Variants in HMCN1 observed in about 807,000 individuals in gnomAD.
The protein encoded by HMCN1 is hemicentin-1.
Under a neutral mutation model 625.9 loss-of-function variants are expected in HMCN1, and 321 were observed. The ratio of observed to expected loss-of-function variants is 0.51; its 90% CI spans 0.47 to 0.56. HMCN1 has a LOEUF of 0.56. Among genes scored for constraint, HMCN1 ranks in the 20% least tolerant of loss-of-function variants. The probability of loss-of-function intolerance (pLI) is 0.00; values close to 1 mark genes in which losing one functional copy is unlikely to be tolerated. For synonymous variants in HMCN1, 2,425 were observed against 2,417.6 expected, an observed-to-expected ratio of 1.00 and a Z score of -0.09; for missense variants, 6,588 against 6,887.3, an observed-to-expected ratio of 0.96 and a Z score of 1.54.
rs145652923 is a variant in HMCN1, at chr1:186,115,975, T to G, written c.11561+561T>G. ...TTCTGATGTTATAGGTGAGCATCATTTTTTGTATCTCACCTGAGCTATCAG... is the reference window on the plus strand; with the variant it reads ...TTCTGATGTTATAGGTGAGCATCATGTTTTGTATCTCACCTGAGCTATCAG... On this transcript the variant is annotated intron_variant, in intron 75 of 106. Transcript: ENST00000271588. 9.2e-5 allele frequency among the ~76,000 whole-genome samples: 14 copies of G among 152,254 alleles called. No homozygotes were observed. The East Asian group carries it at 2.7e-3, about 29-fold the overall frequency.
chr1:185,972,008 C>G lies in HMCN1; in HGVS notation c.2371+1515C>G, dbSNP rs184524591. On this transcript the variant is annotated intron_variant, in intron 15 of 106. Coordinates refer to ENST00000271588, the MANE Select transcript of HMCN1 (RefSeq NM_031935.3). ...AAGCAAGATGTAAAACACAGTAATG[C>G]TTTTAGACATGTAAGGCCCAAATAA... Among the ~76,000 whole-genome samples the G allele has an allele frequency of 1.2e-3, 180 of 152,202 alleles. 2 individuals are homozygous for G. The highest frequency in any genetic ancestry group is 4.2e-3 in the African/African-American group (174 of 41,540).
intron 63 of HMCN1, among the ~76,000 whole-genome samples, chr1:186,089,095 T>A (rs1258324257): frequency 6.6e-6 from 1 of 152,062 alleles, no homozygotes; most frequent in Non-Finnish European, 1.5e-5. Context: ...AGATCTGTTC[T>A]TACTTGTATA....
chr1:185,941,363 G>A (rs1026927496), intron 11 of HMCN1, among the ~76,000 whole-genome samples: 8 of 152,074 alleles, frequency 5.3e-5, no homozygotes, highest in Non-Finnish European at 1.0e-4. Context: ...TACTTAACAA[G>A]CATCTACCAC....
Position 186,165,019 on chromosome 1 carries a change from T to C in HMCN1, c.15257-92T>C, listed in dbSNP as rs1207310714. 3.7e-6 allele frequency: 4 copies of C among 1,089,392 alleles called. No homozygotes were observed. The Admixed American group carries it at 7.1e-5, about 19-fold the overall frequency. The allele number at this position is 1,089,392 out of a possible 1,614,324, so 67.5% of individuals were successfully genotyped here. ...ATTTTTGCATCATGTGTTTCATCTT[T>C]GGCATATCTTCCCAGGGAAGATGGT... On this transcript the variant is annotated intron_variant, in intron 97 of 106. Transcript: ENST00000271588.
chr1:186,160,173 A>C (rs1435717483), intron 97 of HMCN1, among the ~76,000 whole-genome samples: 1 of 150,086 alleles, frequency 6.7e-6, no homozygotes, highest in Non-Finnish European at 1.5e-5. Context: ...CCAGGAATTT[A>C]TCCATTTCTT....
chr1:185,831,742 A>T (rs951602637), intron 1 of HMCN1, among the ~76,000 whole-genome samples: 1 of 152,198 alleles, frequency 6.6e-6, no homozygotes, highest in African/African-American at 2.4e-5. Context: ...GAAATACCCC[A>T]ATTCAAAACA....
intron 22 of HMCN1, 76 bp from the exon 23 acceptor site, chr1:185,993,106 A>G (rs2102036276): frequency 1.4e-6 from 2 of 1,417,230 alleles, no homozygotes; most frequent in East Asian, 4.6e-5. Context: ...TAGTAATTTC[A>G]TACTGAAGTG....
intron 4 of HMCN1, among the ~76,000 whole-genome samples, chr1:185,887,457 C>G (rs146842188): frequency 4.0e-5 from 6 of 148,832 alleles, no homozygotes; most frequent in Non-Finnish European, 5.9e-5. Context: ...TCCCTCCCCC[C>G]TCCCCGCACC....
At position 186,019,554 on chromosome 1, in the gene HMCN1, C is replaced by G. The variant is rs371580183; in HGVS notation, c.5484C>G (p.Ile1828Met). The G allele has an allele frequency of 8.7e-6, 14 of 1,609,562 alleles. No individual in the cohort carries two copies. Among genetic ancestry groups the G allele is most frequent in the Admixed American group, 1.7e-5 (1 of 59,880 alleles). ...CCTTAAATATAGTTCCTCCAACAAT[C>G]AAGTCCTCAGGCCTTTCTGAGAGAG... ...FEVTVHVPPT[I>M]KSSGLSERVV... Residue 1828 changes from isoleucine to methionine, a missense_variant, in exon 35 of 107, where the codon ATC (isoleucine) becomes ATG (methionine). Physicochemically the swap from Ile to Met is conservative, Grantham distance 10. This residue lies in a region of HMCN1 where 4,628 missense variants were observed against 4,853.1 expected (regional missense o/e 0.95). Coordinates refer to ENST00000271588, the MANE Select transcript of HMCN1 (RefSeq NM_031935.3).
Position 185,923,412 on chromosome 1 carries a change from C to G in HMCN1, c.1044C>G (p.Leu348=), listed in dbSNP as rs1667096884. Reference sequence around the variant, plus strand: ...TAGGAATACCTACCTATGTACTGCTCAATACTTCTGGAATTTCCACTCCAG... The same window carrying G: ...TAGGAATACCTACCTATGTACTGCTGAATACTTCTGGAATTTCCACTCCAG... ...PVQGIPTYVL[L]NTSGISTPAR... Residue 348 remains leucine (L), a synonymous_variant, in exon 8 of 107, where the codon CTC becomes CTG. Coordinates refer to ENST00000271588, the MANE Select transcript of HMCN1 (RefSeq NM_031935.3). The G allele has an allele frequency of 9.3e-6, 15 of 1,610,622 alleles. No individual in the cohort carries two copies. The highest frequency in any genetic ancestry group is 1.1e-5 in the Non-Finnish European group (13 of 1,177,558).
Position 186,178,538 on chromosome 1 carries a change from G to A in HMCN1, c.16066G>A (p.Gly5356Arg). ...HLLGDGKSCA[G>R]LERLPNYGTQ... ...ATTAGGGGACGGGAAATCTTGCGCT[G>A]GATTGGAGAGGCTGCCAAATTATGG... The change falls in exon 104 of 107, where the codon GGA (glycine) becomes AGA (arginine). Residue 5356 changes from glycine (G) to arginine (R), a missense_variant. By Grantham distance (125) the Gly-to-Arg change is moderately radical (BLOSUM62 -2). Coordinates refer to ENST00000271588, the MANE Select transcript of HMCN1 (RefSeq NM_031935.3). The A allele has an allele frequency of 6.2e-7, 1 of 1,614,074 alleles. No homozygotes were observed. Among genetic ancestry groups the A allele is most frequent in the Non-Finnish European group, 8.5e-7 (1 of 1,179,988 alleles).
chr1:186,082,402 C>T (rs1301073861), intron 56 of HMCN1, among the ~76,000 whole-genome samples: 1 of 152,166 alleles, frequency 6.6e-6, no homozygotes, highest in African/African-American at 2.4e-5. Flanking sequence ...TGATCTCTAC[C>T]CTCCAGCAGG....
At chr1:186,142,953 A>C (rs748451128) in intron 89 of HMCN1, among the ~76,000 whole-genome samples, 1 of 152,210 alleles carries the variant, frequency 6.6e-6, no homozygotes, top group African/African-American at 2.4e-5. Context: ...TTTTGAAATC[A>C]TACAGTCAAT....
chr1:185,922,421 A>G lies in HMCN1; in HGVS notation c.943A>G (p.Ser315Gly), dbSNP rs148355402. 5.0e-6 allele frequency: 8 copies of G among 1,613,602 alleles called. No homozygotes were observed. Among genetic ancestry groups the G allele is most frequent in the Non-Finnish European group, 6.8e-6 (8 of 1,179,752 alleles). Residue 315 changes from serine to glycine, a missense_variant, in exon 7 of 107, where the codon AGT becomes GGT. Around this residue, in one of 3 missense-constraint regions of HMCN1, gnomAD observed 4,628 missense variants for 4,853.1 expected, o/e 0.95. Coordinates refer to ENST00000271588, the MANE Select transcript of HMCN1 (RefSeq NM_031935.3). ...GRHSVRITGL[S>G]TIDFRAGFSR... ...GCACTCTGTTCGCATTACTGGCCTC[A>G]GTACTATTGATTTCCGAGCTGGCTT...
chr1:185,820,774 T>C (rs910932168), intron 1 of HMCN1, among the ~76,000 whole-genome samples: 1 of 152,132 alleles, frequency 6.6e-6, no homozygotes, highest in African/African-American at 2.4e-5. Flanking sequence ...CAATAGAATA[T>C]GTAATATTTT....
At chr1:185,747,526 G>T (rs968790063) in intron 1 of HMCN1, among the ~76,000 whole-genome samples, 4 of 152,022 alleles carry the variant, frequency 2.6e-5, no homozygotes, top group Non-Finnish European at 5.9e-5. Flanking sequence ...CACCATGTTG[G>T]CCAGGCTGGT....
At chr1:185,900,582 A>G (rs376184520) in intron 4 of HMCN1, among the ~76,000 whole-genome samples, 1 of 151,920 alleles carries the variant, frequency 6.6e-6, no homozygotes, top group African/African-American at 2.4e-5. Flanking sequence ...TATTGCCACT[A>G]GTATTTATGC....
At chr1:185,955,827 C>G (rs74134226) in intron 11 of HMCN1, among the ~76,000 whole-genome samples, 2,732 of 152,196 alleles carry the variant, frequency 0.018, 72 homozygotes, top group African/African-American at 0.061. Flanking sequence ...CCTAGCCCTT[C>G]TTTCATTACT....
At chr1:186,099,116 A>G (rs1830627) in intron 68 of HMCN1, among the ~76,000 whole-genome samples, 95,412 of 151,858 alleles carry the variant, frequency 0.63, 32,004 homozygotes, top group African/African-American at 0.88. Context: ...ATAGTTAATA[A>G]TATACTATTG....
Sources: gnomAD v4.1 joint callset for allele counts (sites outside exome capture counted in the v4.1 genomes callset) on GRCh38, gnomAD v4.1.1 for gene constraint, gnomAD v4.1.1 regional missense constraint, MANE v1.5 for transcripts, NCBI Gene and HGNC (gene_info 2026-07-23, HGNC 2026-07-21) for gene names.